MALRD1: variants seen among roughly 807,000 people sequenced by gnomAD.
MALRD1 encodes the protein MAM and LDL-receptor class A domain-containing protein 1.
In MALRD1, 247 loss-of-function variants were observed where a neutral mutation model predicts 242.1. That is an observed-to-expected ratio of 1.02 (90% CI 0.92 to 1.13). The LOEUF is 1.13. MALRD1 is among the 50% of genes most tolerant of loss of function. The pLI is 0.00. For synonymous variants in MALRD1, 995 were observed against 866.6 expected (o/e 1.15, Z -2.60); for missense variants, 2,989 against 2,533.1 (o/e 1.18, Z -3.86).
At chr10:19,557,160 G>A (rs1835759227) in intron 32 of MALRD1, among the ~76,000 whole-genome samples, 1 of 151,948 alleles carries the variant, frequency 6.6e-6, no homozygotes, top group Admixed American at 6.6e-5. Flanking sequence ...TTATTTTTGA[G>A]TTTTTAAAGT....
chr10:19,657,934 G>A (rs1211334201), intron 36 of MALRD1, among the ~76,000 whole-genome samples: 1 of 152,048 alleles, frequency 6.6e-6, no homozygotes, highest in Non-Finnish European at 1.5e-5. Flanking sequence ...GATCACCTGA[G>A]GTTGGGAGTT....
At chr10:19,585,769 G>A (rs537416346) in intron 33 of MALRD1, among the ~76,000 whole-genome samples, 73 of 152,052 alleles carry the variant, frequency 4.8e-4, no homozygotes, top group Middle Eastern at 6.9e-3. Flanking sequence ...CTGAATGTTC[G>A]CCTGCCTTGC....
chr10:19,586,929 TG>T (rs1254319869), intron 33 of MALRD1, among the ~76,000 whole-genome samples: 1 of 152,238 alleles, frequency 6.6e-6, no homozygotes, highest in East Asian at 1.9e-4. Flanking sequence ...AATCTCCTGG[TG>T]CTCCGTTTTT....
intron 31 of MALRD1, among the ~76,000 whole-genome samples, chr10:19,504,747 A>G (rs950358520): frequency 1.4e-5 from 2 of 139,874 alleles, no homozygotes; most frequent in East Asian, 2.1e-4. Flanking sequence ...CAGTGGCGCA[A>G]TCTCGGCTCA....
chr10:19,346,741 C>A (rs1406587046), intron 24 of MALRD1, among the ~76,000 whole-genome samples: 1 of 152,234 alleles, frequency 6.6e-6, no homozygotes, highest in South Asian at 2.1e-4. Context: ...CCCTCTACCT[C>A]CTGGGTTCAA....
intron 36 of MALRD1, among the ~76,000 whole-genome samples, chr10:19,637,816 G>A (rs1840204250): frequency 6.6e-6 from 1 of 151,972 alleles, no homozygotes. Flanking sequence ...TAAGAATTCG[G>A]TAAGCCAGAT....
chr10:19,399,003 T>C (rs1023353886), intron 28 of MALRD1, among the ~76,000 whole-genome samples: 1 of 152,176 alleles, frequency 6.6e-6, no homozygotes, highest in African/African-American at 2.4e-5. Context: ...TAGTGAGAGA[T>C]TTGTCACCCA....
intron 36 of MALRD1, among the ~76,000 whole-genome samples, chr10:19,658,087 G>T: frequency 6.6e-6 from 1 of 152,048 alleles, no homozygotes; most frequent in East Asian, 1.9e-4. Flanking sequence ...GGCAGAGGTT[G>T]CTGTGAGCCG....
rs1834935145 is a variant in MALRD1 at position 19,171,482 on chromosome 10, A to ATG, written c.1831-3725_1831-3724insGT. Among the ~76,000 whole-genome samples, 3 of 139,968 alleles carry ATG rather than the reference A, an allele frequency of 2.1e-5. 1 individual carries two copies. Among genetic ancestry groups the ATG allele is most frequent in the African/African-American group, 8.2e-5 (3 of 36,592 alleles). 91.8% of individuals were successfully genotyped at this position (139,968 alleles called of 152,430 possible). ...TACACACATGTATATACACACACACATATATACACACACATATATATGTGT... is the reference window on the plus strand; with the variant it reads ...TACACACATGTATATACACACACACATGTATATACACACACATATATATGTGT... On this transcript the variant is annotated intron_variant, in intron 13 of 39. Coordinates refer to ENST00000454679, the MANE Select transcript of MALRD1 (RefSeq NM_001142308.3).
chr10:19,153,352 C>T (rs1834010217), intron 11 of MALRD1, among the ~76,000 whole-genome samples: 2 of 152,152 alleles, frequency 1.3e-5, no homozygotes, highest in Non-Finnish European at 2.9e-5. Flanking sequence ...TAATATGAAT[C>T]AGGGAGCTCT....
intron 28 of MALRD1, among the ~76,000 whole-genome samples, chr10:19,392,571 A>G (rs1368081022): frequency 6.6e-6 from 1 of 152,230 alleles, no homozygotes; most frequent in Non-Finnish European, 1.5e-5. Context: ...CATTTGGTAA[A>G]GAGCAGTACC....
chr10:19,085,453 G>A (rs1835637892), intron 2 of MALRD1, among the ~76,000 whole-genome samples: 1 of 151,888 alleles, frequency 6.6e-6, no homozygotes, highest in Non-Finnish European at 1.5e-5. Context: ...AACAGATATT[G>A]CCACTGGGTG....
chr10:19,211,324 AAAT>A (rs746411546), intron 18 of MALRD1, among the ~76,000 whole-genome samples: 22 of 152,092 alleles, frequency 1.4e-4, no homozygotes, highest in Non-Finnish European at 2.4e-4. Flanking sequence ...TAGTCTAAAA[AAAT>A]AATAATAATA....
chr10:19,517,465 T>C (rs1158872163), intron 31 of MALRD1, among the ~76,000 whole-genome samples: 1 of 152,206 alleles, frequency 6.6e-6, no homozygotes, highest in Non-Finnish European at 1.5e-5. Context: ...TACAAAGACA[T>C]GCATCATGCC....
intron 28 of MALRD1, among the ~76,000 whole-genome samples, chr10:19,445,774 G>A (rs942712184): frequency 1.1e-4 from 16 of 152,234 alleles, no homozygotes; most frequent in Admixed American, 6.5e-4. Context: ...CAGTCTGTCT[G>A]TTCTCAGATC....
At chr10:19,647,856 A>G (rs7474617) in intron 36 of MALRD1, among the ~76,000 whole-genome samples, 9,516 of 152,232 alleles carry the variant, frequency 0.063, 385 homozygotes, top group Middle Eastern at 0.099. Flanking sequence ...ACATGACACA[A>G]CTTTTTTCCA....
chr10:19,171,617 T>C (rs1834953362), intron 13 of MALRD1, among the ~76,000 whole-genome samples: 1 of 130,124 alleles, frequency 7.7e-6, no homozygotes, highest in Admixed American at 8.1e-5. Context: ...CACACATATA[T>C]GTCTATGTGT....
intron 21 of MALRD1, chr10:19,290,259 G>C (rs1841344022): frequency 6.6e-6 from 1 of 152,118 alleles, no homozygotes; most frequent in South Asian, 2.1e-4. Context: ...TTATATGTTT[G>C]TGGGAGAGTA....
At chr10:19,514,212 T>C (rs1833530546) in intron 31 of MALRD1, among the ~76,000 whole-genome samples, 2 of 152,308 alleles carry the variant, frequency 1.3e-5, no homozygotes, top group South Asian at 4.1e-4. Flanking sequence ...TAAAATAATT[T>C]AAGGTAATAA....
Sources: gnomAD v4.1 joint callset for allele counts (sites outside exome capture counted in the v4.1 genomes callset) on GRCh38, gnomAD v4.1.1 for gene constraint, MANE v1.5 for transcripts, NCBI Gene and HGNC (gene_info 2026-07-23, HGNC 2026-07-21) for gene names.